The following ADGRL1 variants were observed in gnomAD, a reference collection of about 807,000 sequenced individuals.
The protein encoded by ADGRL1 is CIRL-1.
Under a neutral mutation model 148.9 loss-of-function variants are expected in ADGRL1, and 31 were observed. The observed-to-expected ratio is 0.21, with a 90% CI of 0.16 to 0.28. ADGRL1 has a LOEUF of 0.28. ADGRL1 is among the 10% of genes least tolerant of loss of function. The pLI, the probability that ADGRL1 is intolerant of heterozygous loss-of-function variation, is 1.00. For synonymous variants in ADGRL1, 937 were observed against 900.3 expected, an observed-to-expected ratio of 1.04 and a Z score of -0.73; for missense variants, 1,521 against 2,058.8, an observed-to-expected ratio of 0.74 and a Z score of 5.05.
intron 1 of ADGRL1, among the ~76,000 whole-genome samples, chr19:14,194,460 A>G (rs762634190): frequency 2.0e-5 from 3 of 152,258 alleles, no homozygotes; most frequent in Non-Finnish European, 4.4e-5. Context: ...TGCCTGGGAC[A>G]GTGACGGACA....
rs1225743627 is a variant in ADGRL1, at chr19:14,151,600, C to A, written c.3683G>T (p.Gly1228Val). 1 of 1,602,220 alleles carries A rather than the reference C, an allele frequency of 6.2e-7. No homozygotes were observed. The highest frequency in any genetic ancestry group is 8.5e-7 in the Non-Finnish European group (1 of 1,178,012). Residue 1228 changes from glycine to valine, a missense_variant, in exon 23 of 23, where the codon GGC becomes GTC. Gly to Val is a moderately radical substitution (Grantham distance 109, BLOSUM62 -3). Around this residue, in one of 8 missense-constraint regions of ADGRL1, gnomAD observed 390 missense variants for 375.0 expected, o/e 1.04. Coordinates refer to ENST00000361434, the MANE Select transcript of ADGRL1 (RefSeq NM_014921.5). ...SYREPKHPLG[G>V]REACGMDTLP... ...GGTGTCCATGCCACAGGCTTCCCGG[C>A]CTCCCAAGGGGTGCTCTGCAGGGCA...
intron 2 of ADGRL1, among the ~76,000 whole-genome samples, chr19:14,182,152 G>A (rs1452660986): frequency 1.3e-5 from 2 of 152,240 alleles, no homozygotes; most frequent in Non-Finnish European, 2.9e-5. Context: ...CTGAGGGGCA[G>A]AGAGGACAAT....
intron 1 of ADGRL1, among the ~76,000 whole-genome samples, chr19:14,189,687 G>T (rs118051604): frequency 3.3e-3 from 501 of 152,286 alleles, no homozygotes; most frequent in Non-Finnish European, 6.1e-3. Flanking sequence ...ATGGACATGC[G>T]GGCTGTTGCA....
intron 3 of ADGRL1, among the ~76,000 whole-genome samples, chr19:14,174,534 C>CTT (rs1445557543): frequency 7.0e-5 from 10 of 142,566 alleles, no homozygotes; most frequent in Admixed American, 2.2e-4. Context: ...TGGTAACACA[C>CTT]ATTTTTTTTT....
In ADGRL1 at chr19:14,177,652, C is replaced by G. The variant is rs1460816826; in HGVS notation, c.163G>C (p.Val55Leu). 1 of 1,614,106 alleles carries G rather than the reference C, an allele frequency of 6.2e-7. No homozygotes were observed. The highest frequency in any genetic ancestry group is 8.5e-7 in the Non-Finnish European group (1 of 1,180,058). ...TAGTTGGCATTCTCCACCATGATGA[C>G]GTCGCTGCCGGGGCACCGCAGCTCG... ...PIELRCPGSD[V>L]IMVENANYGR... The change falls in exon 3 of 23, where the codon GTC (valine) becomes CTC (leucine). Residue 55 changes from valine to leucine, a missense_variant. Val to Leu is a conservative substitution (Grantham distance 32). Transcript: ENST00000361434.
intron 18 of ADGRL1, among the ~76,000 whole-genome samples, chr19:14,153,890 C>T (rs1026646543): frequency 6.6e-6 from 1 of 151,422 alleles, no homozygotes; most frequent in Non-Finnish European, 1.5e-5. Context: ...TGCAGTGAGC[C>T]GAGATCGCGC....
rs533342402 is a variant in ADGRL1 at position 14,147,790 on chromosome 19, ATTT to A, written c.*3080_*3082del. ...TATTGTTTGACTTTTTGACTCAACA[ATTT>A]TTTTAAAACTTTTTGTTTTTTTCTG... On this transcript the variant is annotated 3_prime_UTR_variant, in exon 23 of 23. Coordinates refer to ENST00000361434, the MANE Select transcript of ADGRL1 (RefSeq NM_014921.5). The A allele has an allele frequency of 6.6e-6, 1 of 152,264 alleles. No individual in the cohort carries two copies. The highest frequency in any genetic ancestry group is 1.5e-5 in the Non-Finnish European group (1 of 68,000). The allele number at this position is 152,264 out of a possible 1,614,324, so 9.4% of individuals were successfully genotyped here. A position where few individuals can be genotyped will look rare whatever the true frequency, so the allele number is the denominator to read the frequency against.
rs143357245 is a variant in ADGRL1, at chr19:14,159,007, A to G, written c.2149+83T>C. 1,228 of 1,559,580 alleles carry G rather than the reference A, an allele frequency of 7.9e-4. 13 individuals carry two copies. The East Asian group carries it at 0.022, about 28-fold the overall frequency. ...AAAGGTCAGCACCGCTGCCCTCTAC[A>G]AATGGCACAGAGACGCTGGCACAGA... is the stretch of plus-strand genomic sequence containing the variant. On this transcript the variant is annotated intron_variant, in intron 11 of 22. Coordinates refer to ENST00000361434, the MANE Select transcript of ADGRL1 (RefSeq NM_014921.5). This position sits in a 1 kb window ranked among gnomAD's most constrained non-coding sequence, Gnocchi z 6.0.
At chr19:14,151,720 G>T in intron 22 of ADGRL1, 105 bp from the exon 23 acceptor site, 1 of 1,170,240 alleles carries the variant, frequency 8.5e-7, no homozygotes, top group Non-Finnish European at 1.2e-6. Context: ...GATTCCTGCT[G>T]GTTTTCCGTA....
chr19:14,159,222 G>A lies in ADGRL1; in HGVS notation c.2024-7C>T. 3 of 1,613,884 alleles carry A rather than the reference G, an allele frequency of 1.9e-6. No individual in the cohort carries two copies. Among genetic ancestry groups the A allele is most frequent in the Non-Finnish European group, 1.7e-6 (2 of 1,179,850 alleles). On this transcript the variant is annotated splice_polypyrimidine_tract_variant and splice_region_variant and intron_variant, in intron 10 of 22. Coordinates refer to ENST00000361434, the MANE Select transcript of ADGRL1 (RefSeq NM_014921.5). The surrounding 1 kb of genome is among the most constrained non-coding windows in gnomAD (Gnocchi z 6.0). ...AGGACTGTGACCTCCAGGACTGTGG[G>A]GACAGGGGAAGGCAAGGCATACACA...
At position 14,161,357 on chromosome 19, in the gene ADGRL1, G is replaced by C. The variant is rs766969218; in HGVS notation, c.1465C>G (p.Gln489Glu). 2 of 1,588,936 alleles carry C rather than the reference G, an allele frequency of 1.3e-6. No individual in the cohort carries two copies. Among genetic ancestry groups the C allele is most frequent in the Non-Finnish European group, 1.7e-6 (2 of 1,169,436 alleles). Residue 489 changes from glutamine to glutamate, a missense_variant, in exon 6 of 23, where the codon CAG (glutamine) becomes GAG (glutamate). Physicochemically the swap from Gln to Glu is conservative, Grantham distance 29 (BLOSUM62 2). Transcript: ENST00000361434. The surrounding 1 kb of genome is among the most constrained non-coding windows in gnomAD (Gnocchi z 4.4). ...GGCCTCTCCACCAGCATGCCCTGCT[G>C]GGTGGCCGGCCACTGGACCCGCCGT... is the stretch of plus-strand genomic sequence containing the variant. ...EVRRVQWPAT[Q>E]QGMLVERPCP...
In ADGRL1 at chr19:14,203,424, C is replaced by T. The variant is rs537239092; in HGVS notation, c.-96+2561G>A. Among the ~76,000 whole-genome samples the T allele has an allele frequency of 1.0e-3, 157 of 152,256 alleles. 1 individual carries two copies. The highest frequency in any genetic ancestry group is 1.8e-3 in the Non-Finnish European group (124 of 68,004). On this transcript the variant is annotated intron_variant, in intron 1 of 22. Transcript: ENST00000361434. ...CACTGCCACCCTCCCCACCGAGATG[C>T]CTGCGCTGGGGCTGAAGCAACACAT...
intron 1 of ADGRL1, among the ~76,000 whole-genome samples, chr19:14,187,246 C>T (rs768634015): frequency 2.6e-5 from 4 of 152,050 alleles, no homozygotes; most frequent in Admixed American, 6.6e-5. Flanking sequence ...GGCTGAGGCA[C>T]GAGAACTGGT....
intron 1 of ADGRL1, 36 bp from the exon 2 acceptor site, chr19:14,183,733 G>A (rs1015209066): frequency 5.3e-6 from 4 of 758,836 alleles, no homozygotes; most frequent in African/African-American, 3.5e-5. Flanking sequence ...TGGGGATAGG[G>A]CCTCCAGGCC....
At chr19:14,190,372 T>A (rs559244121) in intron 1 of ADGRL1, among the ~76,000 whole-genome samples, 2 of 152,308 alleles carry the variant, frequency 1.3e-5, no homozygotes, top group South Asian at 4.1e-4. Context: ...GCTCAAGAGA[T>A]CCTCCCACCT....
intron 2 of ADGRL1, among the ~76,000 whole-genome samples, chr19:14,180,905 G>A (rs891346835): frequency 6.6e-5 from 10 of 152,078 alleles, no homozygotes; most frequent in South Asian, 2.1e-4. Context: ...CAAATTAGCC[G>A]GGCGTGGTGG....
In ADGRL1 at chr19:14,156,184, G is replaced by A; in HGVS notation, c.3051C>T (p.Leu1017=). Residue 1017 remains leucine (L), a synonymous_variant, in exon 17 of 23, where the codon CTC becomes CTT. Transcript: ENST00000361434. ...SFVIVVNLVF[L]MVTLHKMIRS... is the part of the protein sequence containing the mutation. ...GGATCATCTTGTGCAGGGTCACCAT[G>A]AGGAACACCAGGTTGACCTGGGGGC... 6.2e-7 allele frequency: 1 copy of A among 1,612,532 alleles called. No individual in the cohort carries two copies. Among genetic ancestry groups the A allele is most frequent in the Non-Finnish European group, 8.5e-7 (1 of 1,179,698 alleles).
chr19:14,162,804 C>T lies in ADGRL1; in HGVS notation c.997G>A (p.Glu333Lys), dbSNP rs1236774289. 1.2e-6 allele frequency: 2 copies of T among 1,613,828 alleles called. No homozygotes were observed. Among genetic ancestry groups the T allele is most frequent in the African/African-American group, 1.3e-5 (1 of 74,826 alleles). ...TAGTCCACGCGGTTGCCAGCCGCCT[C>T]GCTGTCATCATCCACGTACACGGAA... ...LRSVYVDDDS[E>K]AAGNRVDYAF... The change falls in exon 5 of 23, where the codon GAG becomes AAG. Residue 333 changes from glutamate to lysine, a missense_variant. By Grantham distance (56) the Glu-to-Lys change is moderately conservative. Transcript: ENST00000361434. The surrounding 1 kb of genome is among the most constrained non-coding windows in gnomAD (Gnocchi z 5.4).
rs139286303 is a variant in ADGRL1, at chr19:14,155,031, G to A, written c.3294+328C>T. On this transcript the variant is annotated intron_variant, in intron 18 of 22. Coordinates refer to ENST00000361434, the MANE Select transcript of ADGRL1 (RefSeq NM_014921.5). This position sits in a 1 kb window ranked among gnomAD's most constrained non-coding sequence, Gnocchi z 5.0. ...ATGAATGTAGGCAGTGCTCCCTCAG[G>A]GTGGCTCCCAAAGTCCTCCCTCTCC... The A allele has an allele frequency of 5.6e-3, 1,055 of 188,430 alleles. 19 individuals carry two copies. The highest frequency in any genetic ancestry group is 0.024 in the African/African-American group (1,011 of 42,546). 11.7% of individuals were successfully genotyped at this position (188,430 alleles called of 1,614,324 possible).
Sources: gnomAD v4.1 joint callset for allele counts (sites outside exome capture counted in the v4.1 genomes callset) on GRCh38, gnomAD v4.1.1 for gene constraint, gnomAD v4.1.1 regional missense constraint, Gnocchi (gnomAD v3.1) non-coding constraint, MANE v1.5 for transcripts, NCBI Gene and HGNC (gene_info 2026-07-23, HGNC 2026-07-21) for gene names.